DLG2: variants seen among roughly 807,000 people sequenced by gnomAD.
DLG2 encodes the protein discs large MAGUK scaffold protein 2.
In DLG2, 45 loss-of-function variants were observed where a neutral mutation model predicts 132.5. That is an observed-to-expected ratio of 0.34 (90% CI 0.27 to 0.44). The LOEUF is 0.44. Ranked by LOEUF, DLG2 falls within the 20% of genes least tolerant of loss-of-function variation. DLG2 has a pLI of 1.00. For synonymous variants in DLG2, 424 were observed against 419.6 expected (o/e 1.01, Z -0.13); for missense variants, 1,045 against 1,196.9 (o/e 0.87, Z 1.87).
At chr11:83,556,433 C>T (rs1213170011) in intron 19 of DLG2, among the ~76,000 whole-genome samples, 3 of 150,220 alleles carry the variant, frequency 2.0e-5, no homozygotes, top group East Asian at 2.0e-4. Flanking sequence ...AGTGCAGTGG[C>T]GCGATCGTGA....
intron 6 of DLG2, among the ~76,000 whole-genome samples, chr11:84,562,821 C>G (rs932966437): frequency 6.0e-5 from 9 of 151,210 alleles, no homozygotes; most frequent in Non-Finnish European, 1.2e-4. Flanking sequence ...ACGAACATGG[C>G]TCCCTGCTGC....
intron 4 of DLG2, among the ~76,000 whole-genome samples, chr11:85,221,046 C>CTT (rs375581362): frequency 1.4e-5 from 2 of 142,880 alleles, no homozygotes; most frequent in Non-Finnish European, 3.1e-5. Context: ...GTCAAACTTT[C>CTT]TTTTTTTTTT....
chr11:84,640,964 A>AC (rs398016951), intron 6 of DLG2, among the ~76,000 whole-genome samples: 3 of 144,726 alleles, frequency 2.1e-5, no homozygotes, highest in Non-Finnish European at 4.5e-5. Flanking sequence ...AAAAAAAAAA[A>AC]CAAAAAAAAA....
intron 3 of DLG2, among the ~76,000 whole-genome samples, chr11:85,409,837 C>G (rs1312423643): frequency 6.6e-6 from 1 of 151,842 alleles, no homozygotes; most frequent in Non-Finnish European, 1.5e-5. Flanking sequence ...ACAGTGTCTA[C>G]ACTACATAGG....
At chr11:83,745,991 G>A (rs1281708493) in intron 18 of DLG2, among the ~76,000 whole-genome samples, 2 of 152,102 alleles carry the variant, frequency 1.3e-5, no homozygotes, top group Admixed American at 6.6e-5. Flanking sequence ...TCACCATCAC[G>A]TTCATCAGAG....
At chr11:84,760,129 T>G (rs561318383) in intron 6 of DLG2, among the ~76,000 whole-genome samples, 3 of 152,322 alleles carry the variant, frequency 2.0e-5, no homozygotes, top group African/African-American at 7.2e-5. Flanking sequence ...CTCATCAATT[T>G]CTTCTCTTCC....
At chr11:84,050,819 G>C (rs994025170) in intron 11 of DLG2, among the ~76,000 whole-genome samples, 9 of 151,924 alleles carry the variant, frequency 5.9e-5, no homozygotes, top group African/African-American at 2.2e-4. Context: ...TCAAAGATCA[G>C]ATGGTTGTAG....
At chr11:84,390,626 G>T (rs1432810480) in intron 7 of DLG2, among the ~76,000 whole-genome samples, 1 of 152,148 alleles carries the variant, frequency 6.6e-6, no homozygotes, top group Non-Finnish European at 1.5e-5. Context: ...TGGGCCCAAA[G>T]GGGGAGCACT....
intron 6 of DLG2, among the ~76,000 whole-genome samples, chr11:85,028,631 G>A (rs1026364000): frequency 1.2e-4 from 19 of 152,288 alleles, no homozygotes; most frequent in Non-Finnish European, 1.9e-4. Context: ...GCTGGGTCGC[G>A]ACAGTGCCTA....
intron 17 of DLG2, among the ~76,000 whole-genome samples, chr11:83,819,184 T>C (rs1447803253): frequency 6.6e-6 from 1 of 151,774 alleles, no homozygotes; most frequent in East Asian, 1.9e-4. Flanking sequence ...GAAAGAAAAA[T>C]GTAGGCCAGG....
chr11:84,414,271 T>C (rs747035706), intron 7 of DLG2, among the ~76,000 whole-genome samples: 9 of 152,238 alleles, frequency 5.9e-5, no homozygotes, highest in Non-Finnish European at 1.2e-4. Flanking sequence ...TTTATTATAA[T>C]CATTATTATC....
intron 3 of DLG2, among the ~76,000 whole-genome samples, chr11:85,408,216 TTC>T (rs1369955721): frequency 2.7e-5 from 4 of 149,734 alleles, no homozygotes; most frequent in Admixed American, 1.3e-4. Context: ...TGGAATTATT[TTC>T]TTTTTTTAAT....
chr11:84,659,880 C>A (rs1024784491), intron 6 of DLG2, among the ~76,000 whole-genome samples: 4 of 152,100 alleles, frequency 2.6e-5, no homozygotes, highest in Non-Finnish European at 4.4e-5. Context: ...AAAAAATAGA[C>A]ATTAAAATCA....
intron 3 of DLG2, among the ~76,000 whole-genome samples, chr11:85,374,905 C>T (rs2085282435): frequency 6.6e-6 from 1 of 152,034 alleles, no homozygotes; most frequent in Non-Finnish European, 1.5e-5. Context: ...GAGATATATA[C>T]TAAAACCTTT....
intron 6 of DLG2, chr11:85,021,012 A>G (rs2060018206): frequency 3.9e-6 from 3 of 774,040 alleles, no homozygotes; most frequent in African/African-American, 1.7e-5. Context: ...ATTCATATCT[A>G]CTGCTTGTTT....
intron 6 of DLG2, among the ~76,000 whole-genome samples, chr11:84,711,425 C>T (rs2060439850): frequency 7.0e-6 from 1 of 142,786 alleles, no homozygotes; most frequent in Non-Finnish European, 1.5e-5. Context: ...CCCCACCCCC[C>T]ACACACATAT....
At chr11:84,832,338 C>G (rs1259603107) in intron 6 of DLG2, among the ~76,000 whole-genome samples, 1 of 151,644 alleles carries the variant, frequency 6.6e-6, no homozygotes, top group African/African-American at 2.4e-5. Context: ...CCCTTTTGGT[C>G]TTTTGGGTTA....
rs544202318 is a variant in DLG2 at position 83,723,338 on chromosome 11, C to T, written c.1825+63352G>A. 1.6e-3 allele frequency among the ~76,000 whole-genome samples: 250 copies of T among 152,034 alleles called. 1 individual carries two copies. The highest frequency in any genetic ancestry group is 2.6e-3 in the Non-Finnish European group (175 of 67,996). ...GAGGTTGCAGTGAGCTGACATCGCA[C>T]CACTGCACTCCAGCCTGGGCAACAG... On this transcript the variant is annotated intron_variant, in intron 18 of 27. Coordinates refer to ENST00000376104, the MANE Select transcript of DLG2 (RefSeq NM_001142699.3).
chr11:84,219,131 G>A (rs1340617182), intron 8 of DLG2, among the ~76,000 whole-genome samples: 1 of 152,210 alleles, frequency 6.6e-6, no homozygotes, highest in Non-Finnish European at 1.5e-5. Flanking sequence ...ATTTCTGAAT[G>A]TAATTCCAAC....
Sources: gnomAD v4.1 joint callset for allele counts (sites outside exome capture counted in the v4.1 genomes callset) on GRCh38, gnomAD v4.1.1 for gene constraint, MANE v1.5 for transcripts, NCBI Gene and HGNC (gene_info 2026-07-23, HGNC 2026-07-21) for gene names.